Variants in TANGO6 observed in about 807,000 individuals in gnomAD.
TANGO6 encodes the protein transport and golgi organization 6 homolog, also known as transport and Golgi organization protein 6 homolog.
A neutral mutation model predicts 114.2 loss-of-function variants in TANGO6; 90 were observed. The ratio of observed to expected loss-of-function variants is 0.79; its 90% CI spans 0.66 to 0.94. The LOEUF is 0.94. TANGO6 is among the 40% of genes least tolerant of loss of function. TANGO6 has a pLI of 0.00. For missense variants in TANGO6, 1,274 were observed against 1,315.3 expected, an observed-to-expected ratio of 0.97 and a Z score of 0.49; for synonymous variants, 477 against 509.8, an observed-to-expected ratio of 0.94 and a Z score of 0.87.
chr16:68,898,546 C>T (rs903995259), intron 7 of TANGO6, among the ~76,000 whole-genome samples: 6 of 151,920 alleles, frequency 3.9e-5, no homozygotes, highest in African/African-American at 1.2e-4. Context: ...CACCATGTTG[C>T]CAAGGCTGTT....
chr16:69,077,264 C>T (rs1184695387), intron 17 of TANGO6, among the ~76,000 whole-genome samples: 1 of 151,610 alleles, frequency 6.6e-6, no homozygotes, highest in East Asian at 1.9e-4. Context: ...CTATGTTACC[C>T]AGGCTGGAAG....
At chr16:68,975,776 C>G (rs1434265296) in intron 15 of TANGO6, among the ~76,000 whole-genome samples, 1 of 151,524 alleles carries the variant, frequency 6.6e-6, no homozygotes, top group East Asian at 2.0e-4. Flanking sequence ...AGGCTGGTCT[C>G]AAACTCCTGG....
At chr16:69,006,203 C>T (rs893238856) in intron 15 of TANGO6, among the ~76,000 whole-genome samples, 1 of 152,112 alleles carries the variant, frequency 6.6e-6, no homozygotes, top group Non-Finnish European at 1.5e-5. Context: ...TCCAGATCTC[C>T]TGCCTCCTCT....
intron 3 of TANGO6, among the ~76,000 whole-genome samples, chr16:68,864,375 G>C (rs892313331): frequency 3.3e-5 from 5 of 151,864 alleles, no homozygotes; most frequent in African/African-American, 1.2e-4. Flanking sequence ...GGAGTTTGAG[G>C]CCAACGTGGG....
chr16:69,042,364 TG>T (rs1959787694), intron 17 of TANGO6, among the ~76,000 whole-genome samples: 1 of 152,024 alleles, frequency 6.6e-6, no homozygotes. Flanking sequence ...CTGGCCAACA[TG>T]GTGAAACCCC....
At chr16:69,062,582 C>T in intron 17 of TANGO6, among the ~76,000 whole-genome samples, 1 of 151,658 alleles carries the variant, frequency 6.6e-6, no homozygotes, top group Admixed American at 6.6e-5. Context: ...AAGCGATTCT[C>T]CTGCCTCAGC....
Position 68,888,114 on chromosome 16 carries a change from T to TA in TANGO6, c.1377+7485dup, listed in dbSNP as rs1439111147. Among the ~76,000 whole-genome samples the TA allele has an allele frequency of 4.6e-5, 7 of 152,284 alleles. No homozygotes were observed. In the South Asian group the frequency reaches 1.2e-3, roughly 27 times the overall value. Reference sequence around the variant, plus strand: ...ATTGAAAACCTAGCATAGCCACGTGTACTTCATCTGCATAAATGATTCTCA... The same window carrying TA: ...ATTGAAAACCTAGCATAGCCACGTGTAACTTCATCTGCATAAATGATTCTCA... On this transcript the variant is annotated intron_variant, in intron 7 of 17. Coordinates refer to ENST00000261778, the MANE Select transcript of TANGO6 (RefSeq NM_024562.2).
At chr16:69,082,109 A>ATG (rs1597084074) in intron 17 of TANGO6, among the ~76,000 whole-genome samples, 1 of 151,960 alleles carries the variant, frequency 6.6e-6, no homozygotes, top group East Asian at 1.9e-4. Context: ...TCATCCTCCC[A>ATG]AGTAGCTGGG....
chr16:69,064,170 T>G (rs1960180084), intron 17 of TANGO6, among the ~76,000 whole-genome samples: 1 of 152,108 alleles, frequency 6.6e-6, no homozygotes, highest in Admixed American at 6.6e-5. Flanking sequence ...GGTGGGAGGT[T>G]GTTTTTTCCA....
intron 7 of TANGO6, among the ~76,000 whole-genome samples, chr16:68,888,001 G>C (rs1343801943): frequency 6.6e-6 from 1 of 152,176 alleles, no homozygotes; most frequent in Non-Finnish European, 1.5e-5. Flanking sequence ...CTCCAGCAGG[G>C]AGTAGAGCAG....
At chr16:68,867,605 CAAA>C in intron 4 of TANGO6, 1 of 159,510 alleles carries the variant, frequency 6.3e-6, no homozygotes, top group Non-Finnish European at 1.3e-5. Context: ...TTTGGGAGGC[CAAA>C]GCAGGTGGAT....
intron 15 of TANGO6, among the ~76,000 whole-genome samples, chr16:68,993,282 T>G (rs1963961335): frequency 6.6e-6 from 1 of 152,238 alleles, no homozygotes; most frequent in East Asian, 1.9e-4. Context: ...TGCTGTTATT[T>G]TTATTTTCAG....
At chr16:69,013,001 G>T (rs1443592330) in intron 15 of TANGO6, among the ~76,000 whole-genome samples, 2 of 152,164 alleles carry the variant, frequency 1.3e-5, no homozygotes, top group African/African-American at 4.8e-5. Context: ...GGAAATAATA[G>T]TGGGTATCCC....
intron 14 of TANGO6, among the ~76,000 whole-genome samples, chr16:68,939,757 G>A (rs762543563): frequency 5.3e-5 from 8 of 152,036 alleles, no homozygotes; most frequent in Non-Finnish European, 8.8e-5. Flanking sequence ...ATATACACAC[G>A]TACATATTTT....
intron 15 of TANGO6, among the ~76,000 whole-genome samples, chr16:69,002,003 G>C (rs1964049327): frequency 1.3e-5 from 2 of 151,604 alleles, no homozygotes; most frequent in African/African-American, 4.8e-5. Context: ...ACCCCCAAAA[G>C]TAAAAAAAAA....
At chr16:69,016,088 G>C (rs1959293423) in intron 15 of TANGO6, among the ~76,000 whole-genome samples, 1 of 151,956 alleles carries the variant, frequency 6.6e-6, no homozygotes, top group African/African-American at 2.4e-5. Flanking sequence ...AGCCTTCATT[G>C]CTGCTGGAAA....
chr16:68,963,552 T>G (rs765851856), intron 14 of TANGO6, among the ~76,000 whole-genome samples: 1 of 152,226 alleles, frequency 6.6e-6, no homozygotes, highest in Non-Finnish European at 1.5e-5. Flanking sequence ...TCTCTTGATT[T>G]AAAAAATTTT....
intron 15 of TANGO6, among the ~76,000 whole-genome samples, chr16:69,011,455 CT>C (rs79675600): frequency 0.094 from 12,769 of 136,464 alleles, 490 homozygotes; most frequent in African/African-American, 0.11. Flanking sequence ...TTAGTGTGTT[CT>C]TTTTTTTTTT....
At position 68,860,119 on chromosome 16, in the gene TANGO6, C is replaced by G; in HGVS notation, c.330C>G (p.Ile110Met). The G allele has an allele frequency of 5.0e-6, 8 of 1,614,020 alleles. No individual in the cohort carries two copies. Among genetic ancestry groups the G allele is most frequent in the Non-Finnish European group, 6.8e-6 (8 of 1,179,904 alleles). ...TTTTGTGCTTGAAGGAAACCATGAT[C>G]CGCCTTGCAGCTAATTTCAATCCAG... Reference protein sequence around the residue: ...LLLLCLKETMIRLAANFNPGK... With the variant: ...LLLLCLKETMMRLAANFNPGK... The change falls in exon 2 of 18, where the codon ATC (isoleucine) becomes ATG (methionine). Residue 110 changes from isoleucine (I) to methionine (M), a missense_variant. Ile to Met is a conservative substitution (Grantham distance 10). Around this residue, in one of 5 missense-constraint regions of TANGO6, gnomAD observed 908 missense variants for 910.2 expected, o/e 1.00. Transcript: ENST00000261778.
Sources: gnomAD v4.1 joint callset for allele counts (sites outside exome capture counted in the v4.1 genomes callset) on GRCh38, gnomAD v4.1.1 for gene constraint, gnomAD v4.1.1 regional missense constraint, MANE v1.5 for transcripts, NCBI Gene and HGNC (gene_info 2026-07-23, HGNC 2026-07-21) for gene names.